Variants in ASCC1 observed in about 807,000 individuals in gnomAD.
ASCC1 encodes the protein activating signal cointegrator 1 complex subunit 1, also known as ASC-1 complex subunit P50.
A neutral mutation model predicts 46.6 loss-of-function variants in ASCC1; 35 were observed. The ratio of observed to expected loss-of-function variants is 0.75; its 90% confidence interval spans 0.57 to 0.99. The LOEUF (loss-of-function observed/expected upper bound fraction) is 0.99. Among genes scored for constraint, ASCC1 ranks in the 50% least tolerant of loss-of-function variants. ASCC1 has a pLI of 0.00. For synonymous variants in ASCC1, 143 were observed against 146.6 expected, an observed-to-expected ratio of 0.98 and a Z score of 0.18; for missense variants, 376 against 428.7, an observed-to-expected ratio of 0.88 and a Z score of 1.09.
intron 9 of ASCC1, among the ~76,000 whole-genome samples, chr10:72,109,671 G>A (rs1319038890): frequency 1.3e-5 from 2 of 152,152 alleles, no homozygotes; most frequent in Non-Finnish European, 2.9e-5. Context: ...CCTATTAGAG[G>A]ATGAATTAAA....
intron 5 of ASCC1, among the ~76,000 whole-genome samples, chr10:72,179,852 A>T (rs1298344831): frequency 5.9e-5 from 9 of 152,248 alleles, no homozygotes; most frequent in Non-Finnish European, 1.2e-4. Flanking sequence ...GATTACTAGC[A>T]GAAAAAAAAT....
intron 9 of ASCC1, among the ~76,000 whole-genome samples, 193 bp from the exon 10 acceptor site, chr10:72,097,643 A>G (rs1163817582): frequency 6.6e-6 from 1 of 152,230 alleles, no homozygotes; most frequent in East Asian, 1.9e-4. Flanking sequence ...AAGAACAGCC[A>G]GCTCTTCTCT....
At chr10:72,197,070 T>A in intron 4 of ASCC1, 81 bp from the exon 5 acceptor site, 2 of 1,390,902 alleles carry the variant, frequency 1.4e-6, no homozygotes, top group Non-Finnish European at 2.0e-6. Flanking sequence ...CTGTCACCTC[T>A]GAGGAGCTAA....
intron 9 of ASCC1, among the ~76,000 whole-genome samples, chr10:72,114,738 T>A (rs1172229255): frequency 6.6e-6 from 1 of 152,224 alleles, no homozygotes; most frequent in Non-Finnish European, 1.5e-5. Context: ...TAGTTTATCT[T>A]GAGGGCCTAT....
At chr10:72,163,282 G>C (rs973229499) in intron 5 of ASCC1, among the ~76,000 whole-genome samples, 4 of 152,102 alleles carry the variant, frequency 2.6e-5, no homozygotes, top group Admixed American at 1.3e-4. Context: ...ATGCCCAAGA[G>C]AACTGAAAAA....
At chr10:72,168,830 T>C (rs1466010724) in intron 5 of ASCC1, among the ~76,000 whole-genome samples, 1 of 152,214 alleles carries the variant, frequency 6.6e-6, no homozygotes, top group Non-Finnish European at 1.5e-5. Context: ...GAAGAGGCTA[T>C]AGCAGAAAGC....
At chr10:72,164,425 T>C (rs1358140011) in intron 5 of ASCC1, among the ~76,000 whole-genome samples, 1 of 152,222 alleles carries the variant, frequency 6.6e-6, no homozygotes, top group Non-Finnish European at 1.5e-5. Flanking sequence ...TCATTTACCA[T>C]GATGTTTTCA....
intron 5 of ASCC1, among the ~76,000 whole-genome samples, chr10:72,179,994 C>T (rs977315467): frequency 6.6e-6 from 1 of 151,982 alleles, no homozygotes; most frequent in Non-Finnish European, 1.5e-5. Flanking sequence ...TTAAAAGAAC[C>T]GGCCGGGTAC....
chr10:72,202,755 T>A (rs1377815893), intron 4 of ASCC1, among the ~76,000 whole-genome samples: 1 of 152,178 alleles, frequency 6.6e-6, no homozygotes, highest in Non-Finnish European at 1.5e-5. Flanking sequence ...AGGCTGAACT[T>A]TATTTTATAT....
intron 9 of ASCC1, among the ~76,000 whole-genome samples, chr10:72,104,363 A>G (rs965878425): frequency 6.6e-6 from 1 of 152,196 alleles, no homozygotes; most frequent in Non-Finnish European, 1.5e-5. Flanking sequence ...AGCTGGAAGC[A>G]TTTTAATTGA....
At position 72,096,826 on chromosome 10, in the gene ASCC1, G is replaced by C; in HGVS notation, c.*508C>G. The C allele has an allele frequency of 2.2e-6, 1 of 454,112 alleles. No individual in the cohort carries two copies. Among genetic ancestry groups the C allele is most frequent in the Non-Finnish European group, 4.4e-6 (1 of 226,790 alleles). 28.1% of individuals were successfully genotyped at this position (454,112 alleles called of 1,614,324 possible). ...GCCAGTCACAAAAAGACAAGTCACT[G>C]TATGATTCCACTTATATGAGATACT... On this transcript the variant is annotated 3_prime_UTR_variant, in exon 10 of 10. Coordinates refer to ENST00000672957, the MANE Select transcript of ASCC1 (RefSeq NM_001198800.3).
intron 5 of ASCC1, among the ~76,000 whole-genome samples, chr10:72,172,749 A>T (rs1851294363): frequency 8.3e-6 from 1 of 121,048 alleles, no homozygotes; most frequent in South Asian, 2.5e-4. Flanking sequence ...TACATATATT[A>T]TATATTTTTA....
At chr10:72,195,171 G>T (rs1165827173) in intron 5 of ASCC1, among the ~76,000 whole-genome samples, 1 of 95,298 alleles carries the variant, frequency 1.0e-5, no homozygotes, top group African/African-American at 4.2e-5. Context: ...TTTTGAGACA[G>T]GGTCTGGCTC....
upstream of ASCC1, among the ~76,000 whole-genome samples, chr10:72,216,593 T>C (rs1267413286): frequency 1.3e-5 from 2 of 151,946 alleles, no homozygotes; most frequent in Admixed American, 6.6e-5. Flanking sequence ...CTTGTAATAA[T>C]TTGCCTTTGT....
intron 5 of ASCC1, among the ~76,000 whole-genome samples, chr10:72,177,546 T>C (rs113786371): frequency 1.2e-4 from 19 of 152,370 alleles, no homozygotes; most frequent in African/African-American, 4.3e-4. Context: ...TCTGCAGCTA[T>C]AACTGATTCA....
intron 5 of ASCC1, among the ~76,000 whole-genome samples, chr10:72,186,398 G>C (rs1853455677): frequency 6.6e-6 from 1 of 152,110 alleles, no homozygotes; most frequent in Non-Finnish European, 1.5e-5. Flanking sequence ...GGAATGTTGA[G>C]ATCATCCCTA....
At chr10:72,208,390 G>C (rs570244038) in intron 3 of ASCC1, among the ~76,000 whole-genome samples, 2 of 150,852 alleles carry the variant, frequency 1.3e-5, no homozygotes, top group Admixed American at 6.7e-5. Flanking sequence ...AATGTCACTA[G>C]AGCCTGATTT....
At chr10:72,137,693 C>G (rs755993439) in intron 7 of ASCC1, among the ~76,000 whole-genome samples, 1 of 151,884 alleles carries the variant, frequency 6.6e-6, no homozygotes, top group African/African-American at 2.4e-5. Context: ...GAAAAAAGTA[C>G]GAAAAGCATA....
At chr10:72,133,409 G>A in intron 7 of ASCC1, 1 of 515,708 alleles carries the variant, frequency 1.9e-6, no homozygotes, top group Admixed American at 3.0e-5. Flanking sequence ...ATATATTATG[G>A]TGAGCGTGAA....
Sources: gnomAD v4.1 joint callset for allele counts (sites outside exome capture counted in the v4.1 genomes callset) on GRCh38, gnomAD v4.1.1 for gene constraint, MANE v1.5 for transcripts, NCBI Gene and HGNC (gene_info 2026-07-23, HGNC 2026-07-21) for gene names.